Variants in PDE11A observed in about 807,000 individuals in gnomAD.
PDE11A encodes the protein dual 3',5'-cyclic-AMP and -GMP phosphodiesterase 11A.
In PDE11A, 100 loss-of-function variants were observed where a neutral mutation model predicts 100.5. The observed-to-expected ratio is 1.00, with a 90% confidence interval of 0.85 to 1.18. The LOEUF is 1.18. PDE11A is among the 50% of genes most tolerant of loss of function. The pLI, the probability that PDE11A is intolerant of heterozygous loss-of-function variation, is 0.00. For synonymous variants in PDE11A, 381 were observed against 420.8 expected, an observed-to-expected ratio of 0.91 and a Z score of 1.16; for missense variants, 1,141 against 1,152.6, an observed-to-expected ratio of 0.99 and a Z score of 0.15.
intron 1 of PDE11A, among the ~76,000 whole-genome samples, chr2:178,051,481 G>A (rs555490013): frequency 7.5e-4 from 114 of 152,274 alleles, no homozygotes; most frequent in African/African-American, 2.6e-3. Flanking sequence ...ACATCATAAT[G>A]ACAGGATCAA....
intron 2 of PDE11A, among the ~76,000 whole-genome samples, chr2:178,084,829 C>T (rs1284588992): frequency 6.6e-6 from 1 of 151,954 alleles, no homozygotes; most frequent in Non-Finnish European, 1.5e-5. Context: ...ACTTGCATTC[C>T]TCCTTCAGGG....
chr2:177,752,229 C>T (rs2082035226), intron 10 of PDE11A, among the ~76,000 whole-genome samples: 2 of 152,204 alleles, frequency 1.3e-5, no homozygotes, highest in African/African-American at 4.8e-5. Context: ...CTACTCTGGG[C>T]TTTGAAACAG....
chr2:178,038,184 C>T (rs572824222), intron 1 of PDE11A, among the ~76,000 whole-genome samples: 1 of 152,120 alleles, frequency 6.6e-6, no homozygotes, highest in South Asian at 2.1e-4. Context: ...TTAGTCTGGA[C>T]ATATGGTTAC....
At chr2:177,832,014 C>A (rs13007187) in intron 6 of PDE11A, among the ~76,000 whole-genome samples, 75,012 of 151,780 alleles carry the variant, frequency 0.49, 18,620 homozygotes, top group Middle Eastern at 0.61. Context: ...CAGGAGAGGC[C>A]CCCCCTGACC....
At chr2:177,944,022 T>A (rs543354184) in intron 2 of PDE11A, among the ~76,000 whole-genome samples, 2 of 152,282 alleles carry the variant, frequency 1.3e-5, no homozygotes, top group African/African-American at 4.8e-5. Context: ...TAATGTTGAG[T>A]TTGTTTGTTT....
chr2:177,703,716 T>C (rs2081235715), intron 13 of PDE11A, among the ~76,000 whole-genome samples: 1 of 152,206 alleles, frequency 6.6e-6, no homozygotes, highest in African/African-American at 2.4e-5. Flanking sequence ...AGCTAGATGA[T>C]CAGAAGTCAC....
At chr2:177,916,222 C>T (rs941845714) in intron 2 of PDE11A, among the ~76,000 whole-genome samples, 14 of 152,114 alleles carry the variant, frequency 9.2e-5, no homozygotes, top group African/African-American at 2.7e-4. Context: ...TTTATTTCTA[C>T]AATATAAGAA....
At chr2:177,642,627 C>A (rs1029047014) in intron 19 of PDE11A, among the ~76,000 whole-genome samples, 2 of 152,188 alleles carry the variant, frequency 1.3e-5, no homozygotes, top group Non-Finnish European at 2.9e-5. Flanking sequence ...AAGCAGAATT[C>A]ATAAAGGCTC....
chr2:178,094,747 C>T (rs1359762813), intron 2 of PDE11A, among the ~76,000 whole-genome samples: 1 of 152,192 alleles, frequency 6.6e-6, no homozygotes, highest in East Asian at 1.9e-4. Context: ...AATTGCCTCA[C>T]AATTCCACAT....
intron 2 of PDE11A, among the ~76,000 whole-genome samples, chr2:177,921,448 T>C (rs893651915): frequency 6.6e-6 from 1 of 151,354 alleles, no homozygotes; most frequent in African/African-American, 2.4e-5. Context: ...TAAATAATAT[T>C]TTGCATAATT....
At chr2:177,695,347 A>T (rs2105529699) in intron 15 of PDE11A, among the ~76,000 whole-genome samples, 1 of 152,278 alleles carries the variant, frequency 6.6e-6, no homozygotes, top group African/African-American at 2.4e-5. Flanking sequence ...CCTCTCTTGT[A>T]GCTATTCTGA....
chr2:177,697,439 T>C lies in PDE11A; in HGVS notation c.2245-7A>G. ...TAGCAAAGATATTGTGACCCTGTAA[T>C]GAGAAAGTAAAAAGTCACAAAAGAC... On this transcript the variant is annotated splice_region_variant and splice_polypyrimidine_tract_variant and intron_variant, in intron 14 of 19. Transcript: ENST00000286063. 1.5e-6 allele frequency: 2 copies of C among 1,368,912 alleles called. No homozygotes were observed. Among genetic ancestry groups the C allele is most frequent in the African/African-American group, 2.9e-5 (2 of 70,164 alleles). The allele number at this position is 1,368,912 out of a possible 1,614,324, so 84.8% of individuals were successfully genotyped here. A position where few individuals can be genotyped will look rare whatever the true frequency, so the allele number is the denominator to read the frequency against.
chr2:177,843,085 A>T (rs2083517418), intron 5 of PDE11A, among the ~76,000 whole-genome samples: 1 of 152,184 alleles, frequency 6.6e-6, no homozygotes, highest in Non-Finnish European at 1.5e-5. Context: ...AAAAACTGAA[A>T]TTTATTGCCA....
At chr2:178,029,231 A>G (rs1296880218) in intron 1 of PDE11A, among the ~76,000 whole-genome samples, 1 of 152,208 alleles carries the variant, frequency 6.6e-6, no homozygotes, top group East Asian at 1.9e-4. Context: ...ACCAAAAGCT[A>G]AGTCATCAGG....
intron 2 of PDE11A, among the ~76,000 whole-genome samples, chr2:177,962,900 T>C (rs1181140934): frequency 6.6e-6 from 1 of 152,200 alleles, no homozygotes; most frequent in Admixed American, 6.5e-5. Flanking sequence ...GGAGGTTTGG[T>C]TAATACTGTA....
At chr2:177,901,974 T>C (rs2084704605) in intron 3 of PDE11A, among the ~76,000 whole-genome samples, 1 of 152,214 alleles carries the variant, frequency 6.6e-6, no homozygotes, top group Non-Finnish European at 1.5e-5. Flanking sequence ...TTAAAATTGC[T>C]TTATTAATGA....
At chr2:177,639,113 G>A (rs1340287938) in intron 19 of PDE11A, among the ~76,000 whole-genome samples, 1 of 152,142 alleles carries the variant, frequency 6.6e-6, no homozygotes, top group Non-Finnish European at 1.5e-5. Flanking sequence ...CCCTGCCTGT[G>A]CCGTGGCCTA....
intron 16 of PDE11A, among the ~76,000 whole-genome samples, chr2:177,679,764 C>T (rs1361568646): frequency 6.6e-6 from 1 of 151,870 alleles, no homozygotes; most frequent in Non-Finnish European, 1.5e-5. Context: ...CTAGAAAGGT[C>T]ATGATTAATA....
chr2:177,859,952 A>G (rs1264240122), intron 5 of PDE11A, among the ~76,000 whole-genome samples: 1 of 151,922 alleles, frequency 6.6e-6, no homozygotes, highest in Non-Finnish European at 1.5e-5. Flanking sequence ...GGATGCAGCA[A>G]AATCAGTACT....
Sources: gnomAD v4.1 joint callset for allele counts (sites outside exome capture counted in the v4.1 genomes callset) on GRCh38, gnomAD v4.1.1 for gene constraint, MANE v1.5 for transcripts, NCBI Gene and HGNC (gene_info 2026-07-23, HGNC 2026-07-21) for gene names.